The following ZFPM1 variants were observed in gnomAD, a reference collection of about 807,000 sequenced individuals.
The protein encoded by ZFPM1 is zinc finger protein ZFPM1.
Under a neutral mutation model 46.3 loss-of-function variants are expected in ZFPM1, and 28 were observed. That is an observed-to-expected ratio of 0.60 (90% CI 0.45 to 0.83). The LOEUF (loss-of-function observed/expected upper bound fraction) is 0.83. ZFPM1 is among the 40% of genes least tolerant of loss of function. The pLI, the probability that ZFPM1 is intolerant of heterozygous loss-of-function variation, is 0.00. For missense variants in ZFPM1, 1,878 were observed against 1,432.4 expected, an observed-to-expected ratio of 1.31 and a Z score of -5.02; for synonymous variants, 957 against 675.9, an observed-to-expected ratio of 1.42 and a Z score of -6.45.
At chr16:88,529,705 C>T (rs1054102299) in intron 6 of ZFPM1, among the ~76,000 whole-genome samples, 2 of 152,156 alleles carry the variant, frequency 1.3e-5, no homozygotes, top group Non-Finnish European at 2.9e-5. Context: ...CTGGCACATC[C>T]AGGCTGTGGC....
At chr16:88,524,897 G>A (rs1018132800) in intron 4 of ZFPM1, among the ~76,000 whole-genome samples, 4 of 152,192 alleles carry the variant, frequency 2.6e-5, no homozygotes, top group East Asian at 1.9e-4. Flanking sequence ...TGCTGGGGAC[G>A]GCTTCACACT....
At chr16:88,532,964 C>A (rs368274714) in intron 9 of ZFPM1, 29 bp downstream of exon 9, 5 of 1,611,140 alleles carry the variant, frequency 3.1e-6, no homozygotes, top group Non-Finnish European at 4.2e-6. Context: ...GCCACCCCTG[C>A]CCCTTAGGCC....
chr16:88,457,302 T>G (rs1387327730), intron 1 of ZFPM1, among the ~76,000 whole-genome samples: 1 of 152,248 alleles, frequency 6.6e-6, no homozygotes, highest in Non-Finnish European at 1.5e-5. Context: ...AGAGGCCACC[T>G]TACCATGCTC....
Position 88,534,033 on chromosome 16 carries a change from T to C in ZFPM1, c.2075T>C (p.Phe692Ser). 7.6e-7 allele frequency: 1 copy of C among 1,317,876 alleles called. No individual in the cohort carries two copies. The highest frequency in any genetic ancestry group is 9.8e-7 in the Non-Finnish European group (1 of 1,018,320). The allele number at this position is 1,317,876 out of a possible 1,614,324, so 81.6% of individuals were successfully genotyped here. A position where few individuals can be genotyped will look rare whatever the true frequency, so the allele number is the denominator to read the frequency against. ...CTGTGCGAGGCCTGCAACATCCGCT[T>C]CAGCCGCCACGAGACCTACACCGTG... is the stretch of plus-strand genomic sequence containing the variant. ...RTLCEACNIR[F>S]SRHETYTVHK... Residue 692 changes from phenylalanine (F) to serine (S), a missense_variant, in exon 10 of 10, where the codon TTC (phenylalanine) becomes TCC (serine). Physicochemically the swap from Phe to Ser is radical, Grantham distance 155. Transcript: ENST00000319555.
chr16:88,466,775 A>AG (rs1322227254), intron 1 of ZFPM1, among the ~76,000 whole-genome samples: 1 of 151,722 alleles, frequency 6.6e-6, no homozygotes, highest in Non-Finnish European at 1.5e-5. Context: ...TATGTGGGGG[A>AG]GGGGGGTAAA....
At chr16:88,464,502 C>T (rs536762508) in intron 1 of ZFPM1, among the ~76,000 whole-genome samples, 1 of 152,400 alleles carries the variant, frequency 6.6e-6, no homozygotes, top group East Asian at 1.9e-4. Context: ...CCCCAGCCTT[C>T]TTGGGACCTT....
At chr16:88,531,654 C>T (rs1337060478) in intron 6 of ZFPM1, among the ~76,000 whole-genome samples, 2 of 152,236 alleles carry the variant, frequency 1.3e-5, no homozygotes, top group African/African-American at 4.8e-5. Context: ...CACGGTCACC[C>T]CAGTATGTCA....
rs1318598537 is a variant in ZFPM1 at position 88,480,335 on chromosome 16, C to T, written c.41-5604C>T. On this transcript the variant is annotated intron_variant, in intron 1 of 9. Coordinates refer to ENST00000319555, the MANE Select transcript of ZFPM1 (RefSeq NM_153813.3). The surrounding 1 kb of genome is among the most constrained non-coding windows in gnomAD (Gnocchi z 4.9). ...TGGCACCTCGTGAGGGTGGGGCACG[C>T]CAAGGGCTCAGGAAGGGGAAAGGAG... 6.6e-6 allele frequency among the ~76,000 whole-genome samples: 1 copy of T among 152,106 alleles called. No individual in the cohort carries two copies. The highest frequency in any genetic ancestry group is 2.4e-5 in the African/African-American group (1 of 41,426).
chr16:88,517,476 G>GTGGA (rs142475772), intron 4 of ZFPM1, among the ~76,000 whole-genome samples: 56,568 of 130,348 alleles, frequency 0.43, 12,508 homozygotes, highest in Non-Finnish European at 0.49. Flanking sequence ...GGATGGCTGG[G>GTGGA]TGGATGGATG....
At chr16:88,491,763 T>G (rs987306418) in intron 3 of ZFPM1, among the ~76,000 whole-genome samples, 1 of 152,300 alleles carries the variant, frequency 6.6e-6, no homozygotes, top group East Asian at 1.9e-4. Context: ...CCCGCAGATA[T>G]GAATTTCTGT....
At chr16:88,456,009 G>GC (rs1366643305) in intron 1 of ZFPM1, among the ~76,000 whole-genome samples, 3 of 152,194 alleles carry the variant, frequency 2.0e-5, no homozygotes, top group African/African-American at 2.4e-5. Flanking sequence ...TGGCCACCAG[G>GC]CCCGGCCGGG....
At chr16:88,524,751 C>T (rs977741445) in intron 4 of ZFPM1, among the ~76,000 whole-genome samples, 8 of 152,270 alleles carry the variant, frequency 5.3e-5, no homozygotes, top group African/African-American at 1.9e-4. Context: ...GAGACTGCCC[C>T]AAAGGCTAAT....
chr16:88,533,767 C>T lies in ZFPM1; in HGVS notation c.1809C>T (p.Arg603=), dbSNP rs761818120. Residue 603 remains arginine (R), a synonymous_variant, in exon 10 of 10, where the codon CGC becomes CGT. Transcript: ENST00000319555. ...ACAAGCGCCTCTACTGTTCAGGCCGCCGTGCGCCCGAGGACGCGCCTGCCG... is the reference window on the plus strand; with the variant it reads ...ACAAGCGCCTCTACTGTTCAGGCCGTCGTGCGCCCGAGGACGCGCCTGCCG... ...YVHKRLYCSG[R]RAPEDAPAAR... is the part of the protein sequence containing the mutation. 44 of 1,423,368 alleles carry T rather than the reference C, an allele frequency of 3.1e-5. No individual in the cohort carries two copies. Among genetic ancestry groups the T allele is most frequent in the Non-Finnish European group, 3.6e-5 (39 of 1,079,310 alleles). 88.2% of individuals were successfully genotyped at this position (1,423,368 alleles called of 1,614,324 possible).
chr16:88,515,959 C>CAA (rs1490635429), intron 4 of ZFPM1, among the ~76,000 whole-genome samples: 1 of 152,026 alleles, frequency 6.6e-6, no homozygotes, highest in Non-Finnish European at 1.5e-5. Flanking sequence ...TCTGAACTCT[C>CAA]AAAGTGTCAA....
rs766427111 is a variant in ZFPM1, at chr16:88,533,496, C to T, written c.1538C>T (p.Pro513Leu). 2 of 1,400,978 alleles carry T rather than the reference C, an allele frequency of 1.4e-6. No individual in the cohort carries two copies. Among genetic ancestry groups the T allele is most frequent in the South Asian group, 1.4e-5 (1 of 70,666 alleles). The allele number at this position is 1,400,978 out of a possible 1,614,324, so 86.8% of individuals were successfully genotyped here. The change falls in exon 10 of 10, where the codon CCG becomes CTG. Residue 513 changes from proline (P) to leucine (L), a missense_variant. By Grantham distance (98) the Pro-to-Leu change is moderately conservative. Transcript: ENST00000319555. ...TCCAGCCCCACGCCGGGCTCCAGCC[C>T]GGTGCCCGGCGAGCTGGGCCTGGCC... ...ELSSPTPGSS[P>L]VPGELGLAGA...
At chr16:88,517,459 AATGGATGGATGGCTGGGTGG>A (rs1911405828) in intron 4 of ZFPM1, among the ~76,000 whole-genome samples, 2 of 70,970 alleles carry the variant, frequency 2.8e-5, no homozygotes, top group African/African-American at 1.2e-4. Context: ...TGTGTAGGTA[AATGGATGGATGGCTGGGTGG>A]ATGGATGGAT....
chr16:88,457,468 G>C (rs1467975202), intron 1 of ZFPM1, among the ~76,000 whole-genome samples: 1 of 152,184 alleles, frequency 6.6e-6, no homozygotes, highest in Admixed American at 6.5e-5. Flanking sequence ...TGCCATCCAG[G>C]GGCTGCAGGT....
Position 88,480,452 on chromosome 16 carries a change from G to C in ZFPM1, c.41-5487G>C, listed in dbSNP as rs1397325659. On this transcript the variant is annotated intron_variant, in intron 1 of 9. Transcript: ENST00000319555. This position sits in a 1 kb window ranked among gnomAD's most constrained non-coding sequence, Gnocchi z 4.9. ...GAGTGAAGGAAAGAGCCGTGGTGCT[G>C]GTGGGGGAGGAGCGGGGCCGTGTGG... Among the ~76,000 whole-genome samples, 2 of 152,212 alleles carry C rather than the reference G, an allele frequency of 1.3e-5. No individual in the cohort carries two copies. The highest frequency in any genetic ancestry group is 4.8e-5 in the African/African-American group (2 of 41,452).
chr16:88,532,505 C>T, intron 7 of ZFPM1, 109 bp from the exon 8 acceptor site: 4 of 1,186,094 alleles, frequency 3.4e-6, no homozygotes, highest in South Asian at 1.5e-5. Flanking sequence ...CCCTTCAGCA[C>T]AGGGTCCCCC....
Sources: allele counts gnomAD v4.1 joint callset (sites outside exome capture counted in the v4.1 genomes callset), GRCh38; gene constraint gnomAD v4.1.1; non-coding constraint Gnocchi (gnomAD v3.1); transcripts MANE v1.5; gene names NCBI Gene and HGNC (gene_info 2026-07-23, HGNC 2026-07-21).